PCDHA4: variants seen among roughly 807,000 people sequenced by gnomAD.
PCDHA4 encodes the protein protocadherin alpha 4, also known as protocadherin alpha-4.
PCDHA4 carries 49 observed loss-of-function variants against 61.4 expected under a neutral mutation model. The ratio of observed to expected loss-of-function variants is 0.80; its 90% CI spans 0.63 to 1.01. The LOEUF (loss-of-function observed/expected upper bound fraction) is 1.01, where lower values mean the gene tolerates loss of function less well. Among genes scored for constraint, PCDHA4 ranks in the 50% least tolerant of loss-of-function variants. The pLI, the probability that PCDHA4 is intolerant of heterozygous loss-of-function variation, is 0.00. For synonymous variants in PCDHA4, 590 were observed against 550.3 expected (o/e 1.07, Z -1.01); for missense variants, 1,254 against 1,235.8 (o/e 1.01, Z -0.22).
At chr5:140,870,641 G>C in intron 1 of PCDHA4, 1 of 1,612,818 alleles carries the variant, frequency 6.2e-7, no homozygotes, top group South Asian at 1.1e-5. Context: ...CACGCGGAGA[G>C]CGGCAAGGTG....
chr5:140,856,991 T>C, intron 1 of PCDHA4: 1 of 1,595,770 alleles, frequency 6.3e-7, no homozygotes, highest in Non-Finnish European at 8.6e-7. Flanking sequence ...CAGTAACACT[T>C]ATGAAATTCA....
intron 1 of PCDHA4, chr5:140,822,830 C>T: frequency 1.2e-6 from 2 of 1,614,160 alleles, no homozygotes; most frequent in Non-Finnish European, 1.7e-6. Context: ...ATGGCCATAA[C>T]CACCCTTTTC....
intron 1 of PCDHA4, chr5:140,859,513 T>C: frequency 5.1e-6 from 1 of 196,260 alleles, no homozygotes; most frequent in Non-Finnish European, 1.0e-5. Context: ...ACCCATGATT[T>C]CATTTTTAAA....
intron 1 of PCDHA4, among the ~76,000 whole-genome samples, chr5:140,964,925 T>C (rs1586044682): frequency 6.6e-6 from 1 of 152,148 alleles, no homozygotes; most frequent in African/African-American, 2.4e-5. Flanking sequence ...ACTGGCTAGG[T>C]AGTGGAGCAT....
Position 140,839,125 on chromosome 5 carries a change from C to T in PCDHA4, c.2385+29553C>T, listed in dbSNP as rs146206421. ...TATTTACCATTAAGCCATAATATGT[C>T]ATTCACATAAGCAGACCAAGTTTGC... On this transcript the variant is annotated intron_variant, in intron 1 of 3. Transcript: ENST00000530339. Among the ~76,000 whole-genome samples, 144 of 151,494 alleles carry T rather than the reference C, an allele frequency of 9.5e-4. 3 individuals carry two copies. The highest frequency in any genetic ancestry group is 3.4e-3 in the African/African-American group (139 of 41,138).
intron 1 of PCDHA4, chr5:140,876,833 C>T: frequency 3.1e-6 from 5 of 1,614,176 alleles, no homozygotes; most frequent in Non-Finnish European, 4.2e-6. Context: ...AATGCGCCTG[C>T]GTTCGCGCAG....
intron 1 of PCDHA4, chr5:140,869,761 C>T (rs782673770): frequency 6.2e-7 from 1 of 1,613,150 alleles, no homozygotes; most frequent in Non-Finnish European, 8.5e-7. Context: ...CGGGGGAAAA[C>T]CAGAGCTTAC....
intron 1 of PCDHA4, among the ~76,000 whole-genome samples, chr5:140,945,121 C>T (rs1412218992): frequency 6.6e-6 from 1 of 152,042 alleles, no homozygotes; most frequent in East Asian, 1.9e-4. Context: ...GATAAAAAAT[C>T]AACTTACAAA....
At chr5:140,927,748 G>T (rs782605586) in intron 1 of PCDHA4, 3 of 1,614,206 alleles carry the variant, frequency 1.9e-6, no homozygotes, top group Admixed American at 1.7e-5. Flanking sequence ...CCGCTTTCAC[G>T]TGCACCCTAA....
chr5:140,862,614 C>G, intron 1 of PCDHA4: 1 of 523,252 alleles, frequency 1.9e-6, no homozygotes, highest in Non-Finnish European at 3.9e-6. Flanking sequence ...TGAAAGGTAA[C>G]AACCCGCGGG....
At chr5:140,835,076 G>C (rs2150230443) in intron 1 of PCDHA4, 808 of 1,210,720 alleles carry the variant, frequency 6.7e-4, no homozygotes, top group Non-Finnish European at 8.8e-4. Flanking sequence ...TACTCATCAC[G>C]GTACTGGACA....
chr5:140,843,859 T>C lies in PCDHA4; in HGVS notation c.2385+34287T>C, dbSNP rs1779121343. ...GTTTTTAGAAACCTTTTATAATTAA[T>C]TGAATTTTCTCAGTGGCATAATACA... On this transcript the variant is annotated intron_variant, in intron 1 of 3. Coordinates refer to ENST00000530339, the MANE Select transcript of PCDHA4 (RefSeq NM_018907.4). 13 of 919,578 alleles carry C rather than the reference T, an allele frequency of 1.4e-5. No individual in the cohort carries two copies. The East Asian group carries it at 3.1e-4, about 22-fold the overall frequency. The allele number at this position is 919,578 out of a possible 1,614,324, so 57.0% of individuals were successfully genotyped here. A position where few individuals can be genotyped will look rare whatever the true frequency, so the allele number is the denominator to read the frequency against.
At chr5:140,967,282 GC>G in intron 1 of PCDHA4, 1 of 1,613,078 alleles carries the variant, frequency 6.2e-7, no homozygotes, top group Non-Finnish European at 8.5e-7. Flanking sequence ...TAGAGAGTGC[GC>G]AGGACCCCGA....
chr5:140,941,191 T>TTTTTCTTTC lies in PCDHA4; in HGVS notation c.2386-37755_2386-37754insTCTTTCTTT, dbSNP rs1554213809. 3.1e-4 allele frequency among the ~76,000 whole-genome samples: 29 copies of TTTTTCTTTC among 93,252 alleles called. No homozygotes were observed. The East Asian group carries it at 6.1e-3, about 20-fold the overall frequency. 61.2% of individuals were successfully genotyped at this position (93,252 alleles called of 152,430 possible). On this transcript the variant is annotated intron_variant, in intron 1 of 3. Transcript: ENST00000530339. ...CATCTTGAACATCCTGCTTCTTTTT[T>TTTTTCTTTC]TTTCTTTCTTCCTTTCTTTCTTCCT...
At chr5:140,870,535 G>C (rs1279597936) in intron 1 of PCDHA4, 2 of 1,614,056 alleles carry the variant, frequency 1.2e-6, no homozygotes, top group Non-Finnish European at 8.5e-7. Context: ...CACAGTGTCG[G>C]CGCGGGACGC....
intron 1 of PCDHA4, among the ~76,000 whole-genome samples, chr5:140,942,026 A>G (rs1394001505): frequency 6.6e-6 from 1 of 152,194 alleles, no homozygotes; most frequent in Non-Finnish European, 1.5e-5. Flanking sequence ...GGAAAAAATA[A>G]TTCATAAACC....
chr5:140,917,724 G>C (rs2078325058), intron 1 of PCDHA4, among the ~76,000 whole-genome samples: 1 of 152,080 alleles, frequency 6.6e-6, no homozygotes, highest in East Asian at 1.9e-4. Flanking sequence ...CTTTATTTCT[G>C]GGTTCTCTAA....
intron 1 of PCDHA4, chr5:140,884,416 G>T (rs1035372416): frequency 1.2e-6 from 2 of 1,614,006 alleles, no homozygotes; most frequent in East Asian, 4.5e-5. Flanking sequence ...TCACGTTGCT[G>T]CTGTATACTG....
chr5:140,850,855 G>A (rs1484311028), intron 1 of PCDHA4: 1 of 1,595,156 alleles, frequency 6.3e-7, no homozygotes, highest in Non-Finnish European at 8.6e-7. Flanking sequence ...GAGCGAACGG[G>A]AGAACCCTCT....
Sources: gnomAD v4.1 joint callset for allele counts (sites outside exome capture counted in the v4.1 genomes callset) on GRCh38, gnomAD v4.1.1 for gene constraint, MANE v1.5 for transcripts, NCBI Gene and HGNC (gene_info 2026-07-23, HGNC 2026-07-21) for gene names.